The following C12orf42 variants were observed in gnomAD, a reference collection of about 807,000 sequenced individuals.
C12orf42 encodes chromosome 12 open reading frame 42.
C12orf42 carries 25 observed loss-of-function variants against 21.6 expected under a neutral mutation model. The observed-to-expected ratio is 1.16, with a 90% CI of 0.84 to 1.62. The LOEUF (loss-of-function observed/expected upper bound fraction) is 1.62. C12orf42 is among the 40% of genes most tolerant of loss of function. The probability of loss-of-function intolerance (pLI) is 0.00; values close to 1 mark genes in which losing one functional copy is unlikely to be tolerated. For synonymous variants in C12orf42, 174 were observed against 175.0 expected (o/e 0.99, Z 0.05); for missense variants, 483 against 459.3 (o/e 1.05, Z -0.47).
At chr12:103,476,224 C>T (rs528236355) in intron 2 of C12orf42, among the ~76,000 whole-genome samples, 67 of 152,208 alleles carry the variant, frequency 4.4e-4, no homozygotes, top group African/African-American at 7.9e-4. Flanking sequence ...ATTTGTCCTG[C>T]GGAAAATAAC....
chr12:103,361,227 G>A (rs1251225586), intron 4 of C12orf42, among the ~76,000 whole-genome samples: 2 of 152,108 alleles, frequency 1.3e-5, no homozygotes, highest in East Asian at 1.9e-4. Context: ...AGTGGGAAAG[G>A]GGTATTATCT....
chr12:103,235,823 A>T (rs1212491223), downstream of C12orf42, among the ~76,000 whole-genome samples: 1 of 152,148 alleles, frequency 6.6e-6, no homozygotes, highest in East Asian at 1.9e-4. Flanking sequence ...TACATGTTGA[A>T]TTTATGTTTT....
intron 4 of C12orf42, among the ~76,000 whole-genome samples, chr12:103,350,332 G>GTATCCA (rs2043002407): frequency 6.6e-6 from 1 of 152,170 alleles, no homozygotes; most frequent in African/African-American, 2.4e-5. Flanking sequence ...TTTGTCCAGT[G>GTATCCA]TATCCATGCT....
intron 2 of C12orf42, among the ~76,000 whole-genome samples, chr12:103,403,852 C>T (rs556108662): frequency 9.2e-5 from 14 of 152,318 alleles, no homozygotes; most frequent in Non-Finnish European, 1.8e-4. Context: ...GCACTGAATG[C>T]TGTCCCAAAC....
chr12:103,306,232 C>T lies in C12orf42; in HGVS notation c.373G>A (p.Glu125Lys). ...GGTGCTGGAGAGGAACGGAATTCTTCATAGCTTTCTTCATCAAAAGAAACT... is the reference window on the plus strand; with the variant it reads ...GGTGCTGGAGAGGAACGGAATTCTTTATAGCTTTCTTCATCAAAAGAAACT... ...STVSFDEESY[E>K]EFRSSPAPSS... The change falls in exon 5 of 6, where the codon GAA (glutamate) becomes AAA (lysine). Residue 125 changes from glutamate (E) to lysine (K), a missense_variant. Transcript: ENST00000548883. 1 of 1,613,902 alleles carries T rather than the reference C, an allele frequency of 6.2e-7. No homozygotes were observed. Among genetic ancestry groups the T allele is most frequent in the Non-Finnish European group, 8.5e-7 (1 of 1,179,858 alleles).
At chr12:103,236,084 TA>T (rs71097972), downstream of C12orf42, among the ~76,000 whole-genome samples, 4,463 of 152,272 alleles carry the variant, frequency 0.029, 93 homozygotes, top group Middle Eastern at 0.071. Flanking sequence ...CCAAATGTTT[TA>T]TTTTTTTTCT....
chr12:103,127,136 T>C, the C12orf42 span, among the ~76,000 whole-genome samples: 1 of 152,214 alleles, frequency 6.6e-6, no homozygotes, highest in Non-Finnish European at 1.5e-5. Context: ...TTTGATGGCA[T>C]GACCTTTCTG....
intron 10 of C12orf42, chr12:103,262,553 T>C (rs1231140188): frequency 1.3e-5 from 2 of 152,184 alleles, no homozygotes; most frequent in African/African-American, 4.8e-5. Flanking sequence ...TTTTTATTAA[T>C]TTTTTGTATA....
At chr12:103,086,813 C>T in the C12orf42 span, among the ~76,000 whole-genome samples, 1 of 151,992 alleles carries the variant, frequency 6.6e-6, no homozygotes, top group Non-Finnish European at 1.5e-5. Flanking sequence ...TTTTATTTTG[C>T]TCCAAGAAAT....
At chr12:103,220,781 G>A in the C12orf42 span, among the ~76,000 whole-genome samples, 2 of 152,306 alleles carry the variant, frequency 1.3e-5, no homozygotes, top group East Asian at 3.9e-4. Context: ...GTGGCTGAGG[G>A]AGGAGGAGGA....
At chr12:103,341,194 A>C (rs2137243164) in intron 4 of C12orf42, among the ~76,000 whole-genome samples, 1 of 151,996 alleles carries the variant, frequency 6.6e-6, no homozygotes, top group South Asian at 2.1e-4. Flanking sequence ...AATTTTAAAA[A>C]ATTTAAAAAT....
chr12:103,143,770 T>G, the C12orf42 span, among the ~76,000 whole-genome samples: 15 of 152,224 alleles, frequency 9.9e-5, no homozygotes, highest in East Asian at 1.9e-4. Flanking sequence ...TTTACTTAAT[T>G]GTAATCTGTG....
the C12orf42 span, among the ~76,000 whole-genome samples, chr12:103,139,830 A>G: frequency 3.9e-5 from 6 of 152,256 alleles, no homozygotes; most frequent in Non-Finnish European, 8.8e-5. Context: ...ATGGGGTTAA[A>G]AAAAGGAGAA....
intron 4 of C12orf42, among the ~76,000 whole-genome samples, chr12:103,323,164 C>CT (rs991272606): frequency 8.5e-5 from 13 of 152,204 alleles, no homozygotes; most frequent in African/African-American, 2.9e-4. Context: ...TCCTCCAACT[C>CT]TTTTTTTACC....
Position 103,241,183 on chromosome 12 carries a change from TAA to T in C12orf42, c.*1367-3283_*1367-3282del, listed in dbSNP as rs10537065. 1.1e-3 allele frequency among the ~76,000 whole-genome samples: 156 copies of T among 142,872 alleles called. 1 individual carries two copies. Among genetic ancestry groups the T allele is most frequent in the South Asian group, 2.6e-3 (12 of 4,542 alleles). The allele number at this position is 142,872 out of a possible 152,430, so 93.7% of individuals were successfully genotyped here. A position where few individuals can be genotyped will look rare whatever the true frequency, so the allele number is the denominator to read the frequency against. On this transcript the variant is annotated intron_variant and NMD_transcript_variant, in intron 10 of 10. Transcript: ENST00000547347. ...TTATGAGAAGCATAGCTGTTTTGTT[TAA>T]AAAAAAAAAAAAAAGAAAACATTTT...
At chr12:103,062,974 T>G in the C12orf42 span, among the ~76,000 whole-genome samples, 1 of 152,180 alleles carries the variant, frequency 6.6e-6, no homozygotes, top group Non-Finnish European at 1.5e-5. Context: ...GGAGTCTACT[T>G]CTAAAAGAAT....
intron 10 of C12orf42, among the ~76,000 whole-genome samples, chr12:103,256,111 T>TATATAC (rs1439188517): frequency 0.016 from 551 of 33,702 alleles, 3 homozygotes; most frequent in Non-Finnish European, 0.023. Flanking sequence ...TATATATATA[T>TATATAC]ACACACACAC....
the C12orf42 span, among the ~76,000 whole-genome samples, chr12:103,120,484 G>A: frequency 1.3e-5 from 2 of 152,162 alleles, no homozygotes; most frequent in Admixed American, 6.5e-5. Flanking sequence ...CTAGAGGTAA[G>A]AATGCTTGAA....
the C12orf42 span, among the ~76,000 whole-genome samples, chr12:103,226,114 G>A: frequency 6.6e-6 from 1 of 152,216 alleles, no homozygotes; most frequent in Admixed American, 6.5e-5. Context: ...GCATTCCTTG[G>A]CCCAGTGGCC....
Sources: allele counts gnomAD v4.1 joint callset (sites outside exome capture counted in the v4.1 genomes callset), GRCh38; gene constraint gnomAD v4.1.1; transcripts MANE v1.5; gene names NCBI Gene and HGNC (gene_info 2026-07-23, HGNC 2026-07-21).